The following MGAT5B variants were observed in gnomAD, a reference collection of about 807,000 sequenced individuals.
MGAT5B encodes alpha-1,6-mannosylglycoprotein 6-beta-N-acetylglucosaminyltransferase B, also known as N-acetylglucosaminyl-transferase Vb.
MGAT5B carries 54 observed loss-of-function variants against 95.1 expected under a neutral mutation model. The ratio of observed to expected loss-of-function variants is 0.57; its 90% CI spans 0.46 to 0.71. The LOEUF is 0.71. Among genes scored for constraint, MGAT5B ranks in the 30% least tolerant of loss-of-function variants. MGAT5B has a pLI of 0.00. For missense variants in MGAT5B, 935 were observed against 1,088.6 expected (o/e 0.86, Z 1.99); for synonymous variants, 464 against 451.0 (o/e 1.03, Z -0.36).
At chr17:76,920,334 G>A (rs940533864) in intron 8 of MGAT5B, among the ~76,000 whole-genome samples, 1 of 152,146 alleles carries the variant, frequency 6.6e-6, no homozygotes, top group Non-Finnish European at 1.5e-5. Context: ...AGGTCTGGAC[G>A]GGAGTGTTTT....
chr17:76,878,703 G>C (rs1008823999), intron 2 of MGAT5B, among the ~76,000 whole-genome samples: 1 of 152,060 alleles, frequency 6.6e-6, no homozygotes, highest in Non-Finnish European at 1.5e-5. Flanking sequence ...TTGAACTCCC[G>C]AGCTCAACCA....
At position 76,912,350 on chromosome 17, in the gene MGAT5B, T is replaced by A. The variant is rs1968771556; in HGVS notation, c.1025+6163T>A. Among the ~76,000 whole-genome samples, 1 of 152,098 alleles carries A rather than the reference T, an allele frequency of 6.6e-6. No homozygotes were observed. The highest frequency in any genetic ancestry group is 2.1e-4 in the South Asian group (1 of 4,808). ...AGGCAGAAGCACCCAGGGCCTCACC[T>A]CTCAGCCCTGGGAGCCGTTCTGTGG... On this transcript the variant is annotated intron_variant, in intron 8 of 17. Coordinates refer to ENST00000569840, the MANE Select transcript of MGAT5B (RefSeq NM_001199172.2). The surrounding 1 kb of genome is among the most constrained non-coding windows in gnomAD (Gnocchi z 5.0).
chr17:76,933,217 G>T, intron 11 of MGAT5B, 75 bp from the exon 12 acceptor site: 3 of 1,587,040 alleles, frequency 1.9e-6, no homozygotes, highest in South Asian at 2.2e-5. Flanking sequence ...TGCCTGCATG[G>T]GGTGTTGTCT....
Position 76,925,162 on chromosome 17 carries a change from G to T in MGAT5B, c.1157+65G>T, listed in dbSNP as rs191314212. 2,964 of 1,597,010 alleles carry T rather than the reference G, an allele frequency of 1.9e-3. 59 individuals carry two copies. In the African/African-American group the frequency reaches 0.035, roughly 19 times the overall value. The stretch of plus-strand genomic sequence containing the variant: ...CCAGGGGAGAAAGCTCCTCCTTCAC[G>T]CCCTGCCCCCACGTCCCCACTCAGC... On this transcript the variant is annotated intron_variant, in intron 9 of 17. Transcript: ENST00000569840.
chr17:76,906,240 G>A lies in MGAT5B; in HGVS notation c.1025+53G>A. The A allele has an allele frequency of 2.6e-6, 4 of 1,526,330 alleles. No homozygotes were observed. The highest frequency in any genetic ancestry group is 3.5e-6 in the Non-Finnish European group (4 of 1,142,068). The allele number at this position is 1,526,330 out of a possible 1,614,324, so 94.5% of individuals were successfully genotyped here. ...TAAGTGGGGCAGGGAGGGGATGAAG[G>A]GGAACCCCACCCCTCCCTCCCAGGG... On this transcript the variant is annotated intron_variant, in intron 8 of 17. Coordinates refer to ENST00000569840, the MANE Select transcript of MGAT5B (RefSeq NM_001199172.2). The surrounding 1 kb of genome is among the most constrained non-coding windows in gnomAD (Gnocchi z 4.6).
chr17:76,945,128 T>A (rs902271184), intron 15 of MGAT5B, among the ~76,000 whole-genome samples: 19 of 151,740 alleles, frequency 1.3e-4, no homozygotes, highest in African/African-American at 4.4e-4. Flanking sequence ...CCTGAGAAGG[T>A]TAATGGAACA....
intron 3 of MGAT5B, among the ~76,000 whole-genome samples, chr17:76,887,506 C>CCTCCCTCCCTCCCTTCCTCT (rs1967694487): frequency 4.6e-5 from 3 of 65,344 alleles, no homozygotes; most frequent in African/African-American, 2.0e-4. Flanking sequence ...TTCCTCTCTC[C>CCTCCCTCCCTCCCTTCCTCT]CTCCCTCCCT....
intron 8 of MGAT5B, among the ~76,000 whole-genome samples, chr17:76,910,583 T>G (rs552526062): frequency 2.2e-4 from 34 of 152,196 alleles, no homozygotes; most frequent in Non-Finnish European, 3.8e-4. Context: ...AAATGCATGC[T>G]CCTGCATGTG....
chr17:76,903,138 A>C (rs1018791179), intron 4 of MGAT5B, among the ~76,000 whole-genome samples, 165 bp from the exon 5 acceptor site: 3 of 152,094 alleles, frequency 2.0e-5, no homozygotes, highest in African/African-American at 4.8e-5. Flanking sequence ...GGCCGGGGGC[A>C]ACCTAGGCCC....
chr17:76,896,419 G>T (rs1379393756), intron 3 of MGAT5B, among the ~76,000 whole-genome samples: 1 of 152,220 alleles, frequency 6.6e-6, no homozygotes, highest in Non-Finnish European at 1.5e-5. Context: ...GCTTGTCGCA[G>T]GAAAATTGCT....
In MGAT5B at chr17:76,947,745, G is replaced by A. The variant is rs1970077832; in HGVS notation, c.1924-85G>A. Reference sequence around the variant, plus strand: ...GCGCCCAGTAGTGGTGGCTCGTACTGGCACGGCAGGGCCACACCTTCAGGT... The same window carrying A: ...GCGCCCAGTAGTGGTGGCTCGTACTAGCACGGCAGGGCCACACCTTCAGGT... On this transcript the variant is annotated intron_variant, in intron 16 of 17. Coordinates refer to ENST00000569840, the MANE Select transcript of MGAT5B (RefSeq NM_001199172.2). 5 of 1,464,916 alleles carry A rather than the reference G, an allele frequency of 3.4e-6. No homozygotes were observed. The South Asian group carries it at 4.5e-5, about 13-fold the overall frequency. The allele number at this position is 1,464,916 out of a possible 1,614,324, so 90.7% of individuals were successfully genotyped here.
At chr17:76,879,988 C>T (rs1982303) in intron 2 of MGAT5B, among the ~76,000 whole-genome samples, 45,438 of 152,038 alleles carry the variant, frequency 0.3, 8,523 homozygotes, top group African/African-American at 0.49. Context: ...TTAGTGTCAT[C>T]TAACGCTAGT....
At chr17:76,948,297 A>G (rs1970099151) in intron 17 of MGAT5B, among the ~76,000 whole-genome samples, 1 of 152,156 alleles carries the variant, frequency 6.6e-6, no homozygotes, top group South Asian at 2.1e-4. Flanking sequence ...CTAAACTACC[A>G]GGGAAAGCTC....
At chr17:76,947,122 G>C (rs1398341031) in intron 16 of MGAT5B, among the ~76,000 whole-genome samples, 1 of 152,244 alleles carries the variant, frequency 6.6e-6, no homozygotes, top group Non-Finnish European at 1.5e-5. Context: ...CAGGCCCCGG[G>C]TGTCCAGGGT....
chr17:76,928,181 G>A (rs1472198742), intron 10 of MGAT5B, among the ~76,000 whole-genome samples: 1 of 152,116 alleles, frequency 6.6e-6, no homozygotes, highest in Admixed American at 6.6e-5. Context: ...AGGTCACACA[G>A]CTCAGTCGGG....
intron 8 of MGAT5B, 74 bp from the exon 9 acceptor site, chr17:76,924,892 C>T: frequency 6.4e-7 from 1 of 1,563,912 alleles, no homozygotes; most frequent in South Asian, 1.2e-5. Flanking sequence ...TCATTCTGGG[C>T]TCTAAGGAAC....
chr17:76,938,201 C>G lies in MGAT5B; in HGVS notation c.1584+58C>G. The stretch of plus-strand genomic sequence containing the variant: ...TTGCCGGCTGCAGACACTGAGGTCA[C>G]CACCCATGCCTGCCACCACCACTCA... On this transcript the variant is annotated intron_variant, in intron 13 of 17. Coordinates refer to ENST00000569840, the MANE Select transcript of MGAT5B (RefSeq NM_001199172.2). The surrounding 1 kb of genome is among the most constrained non-coding windows in gnomAD (Gnocchi z 4.3). 1 of 1,589,068 alleles carries G rather than the reference C, an allele frequency of 6.3e-7. No homozygotes were observed. The highest frequency in any genetic ancestry group is 1.3e-5 in the African/African-American group (1 of 74,674).
At chr17:76,877,952 C>T (rs536078589) in intron 2 of MGAT5B, among the ~76,000 whole-genome samples, 2 of 152,210 alleles carry the variant, frequency 1.3e-5, no homozygotes, top group Admixed American at 1.3e-4. Context: ...TTGTATCTCC[C>T]AGCGTCCCAG....
intron 1 of MGAT5B, among the ~76,000 whole-genome samples, chr17:76,871,150 G>A (rs1247601865): frequency 6.6e-6 from 1 of 152,102 alleles, no homozygotes; most frequent in African/African-American, 2.4e-5. Flanking sequence ...GACATGAGTG[G>A]GGGAAGTCCG....
Sources: allele counts gnomAD v4.1 joint callset (sites outside exome capture counted in the v4.1 genomes callset), GRCh38; gene constraint gnomAD v4.1.1; non-coding constraint Gnocchi (gnomAD v3.1); transcripts MANE v1.5; gene names NCBI Gene and HGNC (gene_info 2026-07-23, HGNC 2026-07-21).